The following MS4A18 variants were observed in gnomAD, a reference collection of about 807,000 sequenced individuals.
The protein encoded by MS4A18 is membrane spanning 4-domains A18.
Under a neutral mutation model 13.1 loss-of-function variants are expected in MS4A18, and 27 were observed. The observed-to-expected ratio is 2.06, with a 90% confidence interval of 1.52 to 2.84. The LOEUF (loss-of-function observed/expected upper bound fraction) is 2.84. Among genes scored for constraint, MS4A18 ranks in the 30% most tolerant of loss-of-function variants. The pLI is 0.00. For missense variants in MS4A18, 307 were observed against 196.4 expected (o/e 1.56, Z -3.37); for synonymous variants, 126 against 76.5 (o/e 1.65, Z -3.38).
At chr11:60,740,892 C>G in intron 4 of MS4A18, 138 bp from the exon 6 acceptor site, 2 of 651,908 alleles carry the variant, frequency 3.1e-6, no homozygotes, top group East Asian at 5.4e-5. Flanking sequence ...ATGGGTGACC[C>G]AAGCACCTGC....
At chr11:60,733,440 G>C in intron 1 of MS4A18, 94 bp from the exon 3 acceptor site, 4 of 693,074 alleles carry the variant, frequency 5.8e-6, no homozygotes, top group African/African-American at 1.7e-5. Flanking sequence ...TCACCCCTGG[G>C]GTGATTCTGG....
At chr11:60,730,147 T>G (rs1590961647) in intron 1 of MS4A18, among the ~76,000 whole-genome samples, 2 of 152,368 alleles carry the variant, frequency 1.3e-5, no homozygotes. Flanking sequence ...CTGAGTGGCC[T>G]TGCAGACATC....
At chr11:60,743,545 G>A in intron 5 of MS4A18, 105 bp from the exon 7 acceptor site, 1 of 635,122 alleles carries the variant, frequency 1.6e-6, no homozygotes, top group Non-Finnish European at 2.8e-6. Flanking sequence ...ATCAGGGAGA[G>A]AGGGTCTACC....
At chr11:60,738,209 C>A (rs1853369370) in intron 3 of MS4A18, among the ~76,000 whole-genome samples, 1 of 152,182 alleles carries the variant, frequency 6.6e-6, no homozygotes, top group Non-Finnish European at 1.5e-5. Context: ...AGGGAAGCAG[C>A]TTGAGTAGGG....
intron 4 of MS4A18, among the ~76,000 whole-genome samples, chr11:60,740,374 C>T (rs1217738729): frequency 6.6e-6 from 1 of 152,200 alleles, no homozygotes; most frequent in Non-Finnish European, 1.5e-5. Flanking sequence ...CCCCTTCAAT[C>T]CTGCCTTAGT....
chr11:60,738,914 A>G (rs1384404637), exon 4 of MS4A18: 3 of 703,310 alleles, frequency 4.3e-6, no homozygotes, highest in South Asian at 1.5e-5. Context: ...GAACAGCAGC[A>G]TCAGCTTCAA....
At chr11:60,727,380 G>A (rs779566141), upstream of MS4A18, among the ~76,000 whole-genome samples, 24 of 152,176 alleles carry the variant, frequency 1.6e-4, no homozygotes, top group Non-Finnish European at 2.6e-4. Context: ...CTTGCTCAAG[G>A]TCGTACAACT....
chr11:60,732,248 G>T (rs369392022), intron 1 of MS4A18, among the ~76,000 whole-genome samples: 4 of 152,078 alleles, frequency 2.6e-5, no homozygotes, highest in East Asian at 3.9e-4. Flanking sequence ...AAAGCAAGCA[G>T]ATTTCAGACA....
chr11:60,736,984 G>C (rs1853350490), exon 3 of MS4A18: 1 of 676,112 alleles, frequency 1.5e-6, no homozygotes, highest in Non-Finnish European at 2.7e-6. Context: ...GTAGTATATT[G>C]TATCTGGATC....
upstream of MS4A18, among the ~76,000 whole-genome samples, chr11:60,728,351 G>C (rs1015582632): frequency 6.6e-6 from 1 of 152,086 alleles, no homozygotes; most frequent in Non-Finnish European, 1.5e-5. Flanking sequence ...CTAGAACCGA[G>C]AGTCAAAAGG....
At chr11:60,727,049 A>G (rs1853171895), upstream of MS4A18, among the ~76,000 whole-genome samples, 1 of 151,996 alleles carries the variant, frequency 6.6e-6, no homozygotes, top group Non-Finnish European at 1.5e-5. Flanking sequence ...GCTGAGAATG[A>G]TGGTTTCCAG....
chr11:60,740,130 G>A (rs1419032891), intron 4 of MS4A18, among the ~76,000 whole-genome samples: 1 of 152,220 alleles, frequency 6.6e-6, no homozygotes, highest in Non-Finnish European at 1.5e-5. Context: ...GGAACCAAGA[G>A]CACAACAGCT....
At chr11:60,728,556 CCT>C (rs899405590), upstream of MS4A18, among the ~76,000 whole-genome samples, 24 of 150,630 alleles carry the variant, frequency 1.6e-4, no homozygotes, top group Admixed American at 1.1e-3. Flanking sequence ...TCCCTCCTTC[CCT>C]CTCTCTGTGT....
chr11:60,740,804 C>T (rs369159344), intron 4 of MS4A18, among the ~76,000 whole-genome samples: 1 of 152,080 alleles, frequency 6.6e-6, no homozygotes, highest in Non-Finnish European at 1.5e-5. Flanking sequence ...CCAGAGAGAG[C>T]CCTGAGGCAA....
chr11:60,743,836 G>A (rs1156302325), exon 6 of MS4A18: 1 of 703,052 alleles, frequency 1.4e-6, no homozygotes, highest in Admixed American at 2.0e-5. Flanking sequence ...CACCAGCCCT[G>A]TCAATGTTAC....
intron 3 of MS4A18, among the ~76,000 whole-genome samples, chr11:60,737,898 C>G (rs1042468797): frequency 2.0e-5 from 3 of 152,196 alleles, no homozygotes; most frequent in East Asian, 1.9e-4. Context: ...TGCTTCACCC[C>G]CTTTAGGAAG....
intron 2 of MS4A18, among the ~76,000 whole-genome samples, chr11:60,736,742 G>T (rs979982266): frequency 3.3e-5 from 5 of 152,194 alleles, no homozygotes; most frequent in Non-Finnish European, 7.3e-5. Flanking sequence ...GTTTTTAGGG[G>T]AAAGGAAGGT....
upstream of MS4A18, among the ~76,000 whole-genome samples, chr11:60,727,537 A>T (rs943595111): frequency 6.6e-6 from 1 of 152,200 alleles, no homozygotes; most frequent in Non-Finnish European, 1.5e-5. Flanking sequence ...GTCCATTGAC[A>T]ATTTGGAGTG....
chr11:60,726,417 CA>C (rs201041133), upstream of MS4A18, among the ~76,000 whole-genome samples: 3 of 152,314 alleles, frequency 2.0e-5, no homozygotes, highest in Admixed American at 2.0e-4. Context: ...AGTGAAACCA[CA>C]AAGGAGAAGT....
Sources: allele counts gnomAD v4.1 joint callset (sites outside exome capture counted in the v4.1 genomes callset), GRCh38; gene constraint gnomAD v4.1.1; transcripts MANE v1.5; gene names NCBI Gene and HGNC (gene_info 2026-07-23, HGNC 2026-07-21).